LRBA: variants seen among roughly 807,000 people sequenced by gnomAD.
LRBA encodes LPS responsive beige-like anchor protein, also known as lipopolysaccharide-responsive and beige-like anchor protein.
A neutral mutation model predicts 330.0 loss-of-function variants in LRBA; 176 were observed. The ratio of observed to expected loss-of-function variants is 0.53; its 90% CI spans 0.47 to 0.60. The LOEUF (loss-of-function observed/expected upper bound fraction) is 0.60, where lower values mean the gene tolerates loss of function less well. Ranked by LOEUF, LRBA falls within the 20% of genes least tolerant of loss-of-function variation. LRBA has a pLI of 0.00. For synonymous variants in LRBA, 1,230 were observed against 1,193.0 expected, an observed-to-expected ratio of 1.03 and a Z score of -0.64; for missense variants, 3,259 against 3,444.8, an observed-to-expected ratio of 0.95 and a Z score of 1.35.
At chr4:150,686,836 T>G (rs1783667630) in intron 36 of LRBA, among the ~76,000 whole-genome samples, 1 of 152,134 alleles carries the variant, frequency 6.6e-6, no homozygotes, top group Non-Finnish European at 1.5e-5. Flanking sequence ...ATATATTAAT[T>G]TAAAATCAAA....
At chr4:150,924,310 G>C (rs1390544612) in intron 4 of LRBA, among the ~76,000 whole-genome samples, 2 of 152,064 alleles carry the variant, frequency 1.3e-5, no homozygotes, top group Admixed American at 1.3e-4. Context: ...CTAGGGGTTT[G>C]AGACCAGCCT....
intron 37 of LRBA, among the ~76,000 whole-genome samples, chr4:150,661,424 C>G (rs1178492719): frequency 6.9e-6 from 1 of 145,314 alleles, no homozygotes; most frequent in Non-Finnish European, 1.5e-5. Flanking sequence ...GAGCCGAGAT[C>G]GTGCCACTGC....
intron 40 of LRBA, chr4:150,582,987 G>A (rs1433678324): frequency 8.5e-6 from 13 of 1,536,560 alleles, no homozygotes; most frequent in East Asian, 2.3e-5. Context: ...ATCCCTCAAC[G>A]TATTGCGAGA....
intron 42 of LRBA, among the ~76,000 whole-genome samples, chr4:150,472,886 T>C (rs962152561): frequency 1.2e-4 from 18 of 152,170 alleles, no homozygotes; most frequent in Non-Finnish European, 2.2e-4. Flanking sequence ...ATTTTGTTTA[T>C]CTAGTTGATG....
At chr4:150,975,017 A>G (rs1248351974) in intron 2 of LRBA, among the ~76,000 whole-genome samples, 1 of 152,236 alleles carries the variant, frequency 6.6e-6, no homozygotes, top group Non-Finnish European at 1.5e-5. Flanking sequence ...CTTCTCCAAG[A>G]AATATAACAC....
intron 37 of LRBA, among the ~76,000 whole-genome samples, chr4:150,645,954 AGATAT>A (rs1779099380): frequency 6.7e-6 from 1 of 150,012 alleles, no homozygotes; most frequent in Admixed American, 6.7e-5. Context: ...TGTACTCAAT[AGATAT>A]ATTTTAAATT....
chr4:150,685,420 ATTTTTTTTTTTTTTTTT>A (rs70941424), intron 36 of LRBA, among the ~76,000 whole-genome samples: 1 of 17,436 alleles, frequency 5.7e-5, no homozygotes, highest in Admixed American at 1.3e-3. Flanking sequence ...ATATATATAT[ATTTTTTTTTTTTTTTTT>A]TTTTTTTTTT....
At chr4:150,432,527 G>A (rs1157811930) in intron 46 of LRBA, among the ~76,000 whole-genome samples, 1 of 125,404 alleles carries the variant, frequency 8.0e-6, no homozygotes, top group Non-Finnish European at 1.6e-5. Context: ...GCGCTATCTC[G>A]GCTCACTGCA....
intron 40 of LRBA, among the ~76,000 whole-genome samples, chr4:150,571,272 A>G (rs1365458554): frequency 3.3e-5 from 5 of 152,070 alleles, no homozygotes; most frequent in African/African-American, 1.2e-4. Context: ...AGCTAATGAT[A>G]TAGAGATTGC....
intron 2 of LRBA, among the ~76,000 whole-genome samples, chr4:150,956,398 CA>C (rs79858829): frequency 1.4e-5 from 2 of 143,984 alleles, no homozygotes; most frequent in Admixed American, 6.8e-5. Context: ...AAAAACAAAA[CA>C]AAAAAAAAAC....
intron 2 of LRBA, among the ~76,000 whole-genome samples, chr4:150,976,310 T>C (rs1439704949): frequency 1.3e-5 from 2 of 151,956 alleles, no homozygotes; most frequent in Non-Finnish European, 2.9e-5. Flanking sequence ...TCACACGTCA[T>C]ACAAGCTAAC....
intron 34 of LRBA, among the ~76,000 whole-genome samples, chr4:150,775,521 G>A (rs1412576883): frequency 6.7e-6 from 1 of 149,914 alleles, no homozygotes; most frequent in Non-Finnish European, 1.5e-5. Flanking sequence ...CAGCATAAGA[G>A]AGGAAAGAGG....
chr4:150,841,006 G>A (rs1166523822), intron 28 of LRBA: 2 of 1,256,636 alleles, frequency 1.6e-6, no homozygotes, highest in Admixed American at 4.9e-5. Flanking sequence ...TCCGTGATCT[G>A]ACAAAATCTA....
At position 150,735,381 on chromosome 4, in the gene LRBA, T is replaced by A; in HGVS notation, c.5646-15A>T. 6.7e-7 allele frequency: 1 copy of A among 1,493,590 alleles called. No individual in the cohort carries two copies. Among genetic ancestry groups the A allele is most frequent in the Non-Finnish European group, 9.3e-7 (1 of 1,070,934 alleles). 92.5% of individuals were successfully genotyped at this position (1,493,590 alleles called of 1,614,324 possible). On this transcript the variant is annotated splice_polypyrimidine_tract_variant and intron_variant, in intron 35 of 56. Coordinates refer to ENST00000651943, the MANE Select transcript of LRBA (RefSeq NM_001364905.1). ...GGCTAAGCAACCTGTAAGAAATGAATGTTATCAAATAAATATATGTATACA... is the reference window on the plus strand; with the variant it reads ...GGCTAAGCAACCTGTAAGAAATGAAAGTTATCAAATAAATATATGTATACA...
intron 28 of LRBA, among the ~76,000 whole-genome samples, chr4:150,835,785 C>T (rs1454405907): frequency 6.6e-6 from 1 of 152,106 alleles, no homozygotes; most frequent in Non-Finnish European, 1.5e-5. Context: ...TAATTGAATA[C>T]CCTTTCTTTC....
chr4:150,309,678 T>C (rs1730813295), intron 52 of LRBA, among the ~76,000 whole-genome samples: 1 of 152,158 alleles, frequency 6.6e-6, no homozygotes, highest in African/African-American at 2.4e-5. Context: ...TAAATGAATA[T>C]ATAGACTGAA....
chr4:150,452,132 T>C (rs951335531), intron 44 of LRBA, among the ~76,000 whole-genome samples: 1 of 152,150 alleles, frequency 6.6e-6, no homozygotes, highest in Admixed American at 6.6e-5. Context: ...CCAATATCCT[T>C]TGGGAACATA....
At chr4:150,865,717 CTTTT>C (rs779221199) in intron 22 of LRBA, among the ~76,000 whole-genome samples, 3 of 134,530 alleles carry the variant, frequency 2.2e-5, no homozygotes, top group Admixed American at 7.6e-5. Flanking sequence ...GCAATATATT[CTTTT>C]TTTTTTTTTT....
intron 39 of LRBA, among the ~76,000 whole-genome samples, chr4:150,588,939 T>C (rs1039464789): frequency 4.0e-5 from 6 of 151,810 alleles, no homozygotes; most frequent in African/African-American, 9.7e-5. Context: ...CTGAAAACAA[T>C]AGATTCACTA....
Sources: allele counts gnomAD v4.1 joint callset (sites outside exome capture counted in the v4.1 genomes callset), GRCh38; gene constraint gnomAD v4.1.1; transcripts MANE v1.5; gene names NCBI Gene and HGNC (gene_info 2026-07-23, HGNC 2026-07-21).